DBF4: variants seen among roughly 807,000 people sequenced by gnomAD.
The protein encoded by DBF4 is DBF4-CDC7 kinase regulatory subunit, also known as protein DBF4 homolog A.
DBF4 carries 25 observed loss-of-function variants against 76.6 expected under a neutral mutation model. The ratio of observed to expected loss-of-function variants is 0.33; its 90% confidence interval spans 0.24 to 0.46. The LOEUF (loss-of-function observed/expected upper bound fraction) is 0.46, where lower values mean the gene tolerates loss of function less well. Among genes scored for constraint, DBF4 ranks in the 20% least tolerant of loss-of-function variants. The pLI is 1.00. For missense variants in DBF4, 638 were observed against 760.8 expected (o/e 0.84, Z 1.90); for synonymous variants, 213 against 258.0 (o/e 0.83, Z 1.67).
chr7:87,897,607 C>T (rs1287828700), intron 8 of DBF4, among the ~76,000 whole-genome samples: 2 of 152,170 alleles, frequency 1.3e-5, no homozygotes, highest in East Asian at 3.9e-4. Flanking sequence ...AAATTATTCT[C>T]TGGCTAAATG....
At chr7:87,895,772 A>T (rs986364551) in intron 6 of DBF4, among the ~76,000 whole-genome samples, 1 of 151,620 alleles carries the variant, frequency 6.6e-6, no homozygotes, top group African/African-American at 2.4e-5. Context: ...GGGTTTCTCA[A>T]TGTTAGCTTA....
Position 87,876,693 on chromosome 7 carries a change from A to T in DBF4, c.-40A>T. 6.2e-7 allele frequency: 1 copy of T among 1,612,638 alleles called. No homozygotes were observed. The highest frequency in any genetic ancestry group is 8.5e-7 in the Non-Finnish European group (1 of 1,179,568). On this transcript the variant is annotated 5_prime_UTR_variant, in exon 1 of 12. Transcript: ENST00000265728. ...TGCTTTCGCGGCTGCCCGGTGCGAC[A>T]CTTTCTCCGGACCCAGCATGTAGGT...
chr7:87,898,137 A>C (rs1562764216), intron 8 of DBF4, among the ~76,000 whole-genome samples: 2 of 152,202 alleles, frequency 1.3e-5, no homozygotes, highest in African/African-American at 2.4e-5. Flanking sequence ...AGAGAATTAG[A>C]TTACTTTCTT....
At chr7:87,891,537 T>C (rs1011562617) in intron 6 of DBF4, among the ~76,000 whole-genome samples, 2 of 152,184 alleles carry the variant, frequency 1.3e-5, no homozygotes, top group Non-Finnish European at 2.9e-5. Flanking sequence ...ATTTGTCCAT[T>C]GTGTCTTGGT....
At chr7:87,890,958 G>T (rs753348812) in intron 6 of DBF4, among the ~76,000 whole-genome samples, 2 of 152,028 alleles carry the variant, frequency 1.3e-5, no homozygotes, top group African/African-American at 2.4e-5. Context: ...ATATAAGAAA[G>T]GAATGTTTCT....
chr7:87,907,251 A>G lies in DBF4; in HGVS notation c.1113A>G (p.Gln371=). The G allele has an allele frequency of 2.5e-6, 4 of 1,613,630 alleles. No individual in the cohort carries two copies. The highest frequency in any genetic ancestry group is 3.4e-6 in the Non-Finnish European group (4 of 1,179,882). The change falls in exon 12 of 12, where the codon CAA becomes CAG. Residue 371 remains glutamine, a synonymous_variant. Coordinates refer to ENST00000265728, the MANE Select transcript of DBF4 (RefSeq NM_006716.4). ...VSASVLKKTE[Q]KEKVELQHIS... is the part of the protein sequence containing the mutation. ...CAAGTGTCCTGAAAAAGACTGAACAAAAGGAAAAAGTGGAATTGCAACATA... is the reference window on the plus strand; with the variant it reads ...CAAGTGTCCTGAAAAAGACTGAACAGAAGGAAAAAGTGGAATTGCAACATA...
At chr7:87,882,938 G>T (rs545620073) in intron 2 of DBF4, among the ~76,000 whole-genome samples, 14 of 152,082 alleles carry the variant, frequency 9.2e-5, no homozygotes, top group Non-Finnish European at 1.5e-4. Context: ...ATATGATTTT[G>T]CAATTCCATT....
At chr7:87,876,891 C>A in intron 1 of DBF4, 113 bp downstream of exon 1, 1 of 1,203,108 alleles carries the variant, frequency 8.3e-7, no homozygotes, top group Non-Finnish European at 1.2e-6. Flanking sequence ...TTCTTCTGAC[C>A]GGCCTCTGGG....
At chr7:87,902,632 G>A (rs1839815608) in intron 10 of DBF4, among the ~76,000 whole-genome samples, 1 of 152,126 alleles carries the variant, frequency 6.6e-6, no homozygotes, top group Non-Finnish European at 1.5e-5. Flanking sequence ...TGAGTAAGAA[G>A]AACTTAATGG....
intron 11 of DBF4, 22 bp from the exon 12 acceptor site, chr7:87,907,166 T>C: frequency 1.3e-6 from 2 of 1,514,030 alleles, no homozygotes; most frequent in Non-Finnish European, 1.8e-6. Flanking sequence ...TTTAATATTT[T>C]TCTTCTATTT....
At chr7:87,889,160 G>T (rs2131053242) in intron 6 of DBF4, among the ~76,000 whole-genome samples, 1 of 152,226 alleles carries the variant, frequency 6.6e-6, no homozygotes. Context: ...GGAAAATTAT[G>T]GAAAGATTAT....
At position 87,887,399 on chromosome 7, in the gene DBF4, GTAAGGATTTTA is replaced by G; in HGVS notation, c.520+5_520+15del. 1 of 1,568,536 alleles carries G rather than the reference GTAAGGATTTTA, an allele frequency of 6.4e-7. No individual in the cohort carries two copies. Among genetic ancestry groups the G allele is most frequent in the Non-Finnish European group, 8.7e-7 (1 of 1,148,990 alleles). ...GGAGTAAAAATTCTTCATATTGATG[GTAAGGATTTTA>G]TAATTGTTTTTTGACAGTATTTGTT... On this transcript the variant is annotated splice_donor_variant and splice_donor_5th_base_variant and intron_variant, in intron 5 of 11. Transcript: ENST00000265728. LOFTEE classifies it high-confidence loss of function.
Position 87,908,378 on chromosome 7 carries a change from A to G in DBF4, c.*215A>G, listed in dbSNP as rs1839961314. ...TGTGACTGGTCTTGTTTTACATTAT[A>G]TATATGTTCGTAATTGTTTCCTGAG... On this transcript the variant is annotated 3_prime_UTR_variant, in exon 12 of 12. Transcript: ENST00000265728. 2.7e-6 allele frequency: 1 copy of G among 365,642 alleles called. No individual in the cohort carries two copies. Among genetic ancestry groups the G allele is most frequent in the South Asian group, 8.5e-5 (1 of 11,770 alleles). 22.6% of individuals were successfully genotyped at this position (365,642 alleles called of 1,614,324 possible). A position where few individuals can be genotyped will look rare whatever the true frequency, so the allele number is the denominator to read the frequency against.
rs1175018570 is a variant in DBF4, at chr7:87,887,317, T to C, written c.451-12T>C. The C allele has an allele frequency of 6.7e-7, 1 of 1,497,318 alleles. No homozygotes were observed. The highest frequency in any genetic ancestry group is 9.1e-7 in the Non-Finnish European group (1 of 1,103,692). The allele number at this position is 1,497,318 out of a possible 1,614,324, so 92.8% of individuals were successfully genotyped here. ...ATTTCCTAGAACAACCATAAAACTT[T>C]TTTTTTTACAGGATTTTATTCCTTC... is the stretch of plus-strand genomic sequence containing the variant. On this transcript the variant is annotated splice_polypyrimidine_tract_variant and intron_variant, in intron 4 of 11. Transcript: ENST00000265728.
At chr7:87,902,042 A>G (rs2131073393) in intron 10 of DBF4, among the ~76,000 whole-genome samples, 1 of 152,320 alleles carries the variant, frequency 6.6e-6, no homozygotes, top group Non-Finnish European at 1.5e-5. Flanking sequence ...AGTATCTCAG[A>G]AATATTTCCC....
At chr7:87,896,858 AG>A (rs2131065324) in intron 7 of DBF4, among the ~76,000 whole-genome samples, 1 of 152,364 alleles carries the variant, frequency 6.6e-6, no homozygotes, top group South Asian at 2.1e-4. Flanking sequence ...TGAATTGATA[AG>A]CGTAAACAAT....
chr7:87,887,213 G>A (rs944672576), intron 4 of DBF4, 116 bp from the exon 5 acceptor site: 64 of 844,854 alleles, frequency 7.6e-5, no homozygotes, highest in Non-Finnish European at 1.1e-4. Flanking sequence ...ACTCTATAGG[G>A]TCTGTTACAA....
chr7:87,878,262 T>A, intron 2 of DBF4, 37 bp downstream of exon 2: 2 of 1,508,822 alleles, frequency 1.3e-6, no homozygotes, highest in Non-Finnish European at 1.8e-6. Context: ...GAAGGAAAAA[T>A]TTGTAACTAG....
At chr7:87,883,410 T>C (rs1272121247) in intron 2 of DBF4, among the ~76,000 whole-genome samples, 2 of 152,200 alleles carry the variant, frequency 1.3e-5, no homozygotes, top group Non-Finnish European at 2.9e-5. Flanking sequence ...TTAAAAATGG[T>C]TAAAATGGCT....
Sources: gnomAD v4.1 joint callset for allele counts (sites outside exome capture counted in the v4.1 genomes callset) on GRCh38, gnomAD v4.1.1 for gene constraint, MANE v1.5 for transcripts, NCBI Gene and HGNC (gene_info 2026-07-23, HGNC 2026-07-21) for gene names.